The following MAST4 variants were observed in gnomAD, a reference collection of about 807,000 sequenced individuals.
The protein encoded by MAST4 is microtubule associated serine/threonine kinase family member 4, also known as microtubule-associated serine/threonine-protein kinase 4.
MAST4 carries 89 observed loss-of-function variants against 162.7 expected under a neutral mutation model. The ratio of observed to expected loss-of-function variants is 0.55; its 90% CI spans 0.46 to 0.65. MAST4 has a LOEUF of 0.65. MAST4 is among the 30% of genes least tolerant of loss of function. The pLI is 0.00. For synonymous variants in MAST4, 1,479 were observed against 1,361.1 expected (o/e 1.09, Z -1.91); for missense variants, 3,153 against 3,374.0 (o/e 0.93, Z 1.62).
chr5:66,965,065 T>A (rs974503564), intron 4 of MAST4, among the ~76,000 whole-genome samples: 1 of 152,128 alleles, frequency 6.6e-6, no homozygotes, highest in Non-Finnish European at 1.5e-5. Context: ...GGAAACAAAT[T>A]AATGACTTGG....
chr5:66,625,519 C>T lies in MAST4; in HGVS notation c.363+28501C>T, dbSNP rs149456725. 2.6e-3 allele frequency among the ~76,000 whole-genome samples: 400 copies of T among 152,164 alleles called. 2 individuals are homozygous for T. The highest frequency in any genetic ancestry group is 9.3e-3 in the African/African-American group (386 of 41,510). On this transcript the variant is annotated intron_variant, in intron 1 of 28. Transcript: ENST00000403625. Reference sequence around the variant, plus strand: ...CAAAAATACAAATAATCCAATTAAACGGGCAAAGTACCTAAATAGGTACTT... The same window carrying T: ...CAAAAATACAAATAATCCAATTAAATGGGCAAAGTACCTAAATAGGTACTT...
intron 1 of MAST4, among the ~76,000 whole-genome samples, chr5:66,660,371 G>C (rs943360420): frequency 2.6e-5 from 4 of 151,856 alleles, no homozygotes; most frequent in Non-Finnish European, 5.9e-5. Context: ...CTGGACAAGA[G>C]TGAAACTCTG....
At chr5:66,710,594 A>G (rs961204610) in intron 1 of MAST4, among the ~76,000 whole-genome samples, 36 of 151,964 alleles carry the variant, frequency 2.4e-4, no homozygotes, top group Admixed American at 5.9e-4. Flanking sequence ...TTTTTGGGGG[A>G]AAAATCTAGG....
Position 67,126,088 on chromosome 5 carries a change from GTTGT to G in MAST4, c.1746-4115_1746-4112del, listed in dbSNP as rs565899171. On this transcript the variant is annotated intron_variant, in intron 14 of 28. Transcript: ENST00000403625. ...TATCCTTCTCCCACTTTTTGACGGA[GTTGT>G]TTGTTTTTTTCTTGTAAATTTGTTT... 3.6e-3 allele frequency among the ~76,000 whole-genome samples: 550 copies of G among 151,506 alleles called. 4 individuals are homozygous for G. The highest frequency in any genetic ancestry group is 7.5e-3 in the Admixed American group (113 of 15,154).
At chr5:67,155,682 A>G (rs1772398208) in intron 26 of MAST4, among the ~76,000 whole-genome samples, 1 of 152,156 alleles carries the variant, frequency 6.6e-6, no homozygotes, top group Non-Finnish European at 1.5e-5. Context: ...GGGCCATCAA[A>G]TAGCTTGATT....
At chr5:66,903,148 T>A (rs1423847079) in intron 4 of MAST4, among the ~76,000 whole-genome samples, 3 of 152,132 alleles carry the variant, frequency 2.0e-5, no homozygotes, top group Non-Finnish European at 4.4e-5. Context: ...AGTAAAGGTG[T>A]AAAACATGCA....
chr5:67,165,847 A>T lies in MAST4; in HGVS notation c.6668A>T (p.Lys2223Met). ...SSQKPSVGAT[K>M]GKEPATQSLG... is the part of the protein sequence containing the mutation. ...CAGAAACCAAGTGTCGGGGCCACAA[A>T]GGGCAAAGAGCCTGCCACTCAGTCC... The change falls in exon 29 of 29, where the codon AAG becomes ATG. Residue 2223 changes from lysine to methionine, a missense_variant. Lys to Met is a moderately conservative substitution (Grantham distance 95). Coordinates refer to ENST00000403625, the MANE Select transcript of MAST4 (RefSeq NM_001164664.2). 6.2e-7 allele frequency: 1 copy of T among 1,613,130 alleles called. No individual in the cohort carries two copies. Among genetic ancestry groups the T allele is most frequent in the Non-Finnish European group, 8.5e-7 (1 of 1,179,872 alleles).
At chr5:66,675,842 AAAG>A (rs1419210769) in intron 1 of MAST4, among the ~76,000 whole-genome samples, 3 of 152,240 alleles carry the variant, frequency 2.0e-5, no homozygotes, top group Non-Finnish European at 4.4e-5. Context: ...CATGATGAAT[AAAG>A]AAGGAGCCAC....
At chr5:67,103,589 G>A (rs1202911745) in intron 9 of MAST4, among the ~76,000 whole-genome samples, 2 of 152,140 alleles carry the variant, frequency 1.3e-5, no homozygotes, top group Non-Finnish European at 1.5e-5. Context: ...ATTAGGCAGT[G>A]GGTGACCAGA....
chr5:67,024,030 A>G (rs962940400), intron 4 of MAST4, among the ~76,000 whole-genome samples: 1 of 151,866 alleles, frequency 6.6e-6, no homozygotes. Context: ...CCTGCAAAAC[A>G]AACTCTACTC....
chr5:67,029,623 G>A (rs546616666), intron 4 of MAST4, among the ~76,000 whole-genome samples: 1 of 152,192 alleles, frequency 6.6e-6, no homozygotes, highest in East Asian at 1.9e-4. Context: ...GCAAGGTGAT[G>A]GTGTGTTTTG....
chr5:66,608,942 T>C lies in MAST4; in HGVS notation c.363+11924T>C, dbSNP rs539524952. Among the ~76,000 whole-genome samples the C allele has an allele frequency of 4.6e-5, 7 of 152,260 alleles. No individual in the cohort carries two copies. The East Asian group carries it at 1.2e-3, about 25-fold the overall frequency. ...TGGTGTGGCTATCTGTTGAGTTGTT[T>C]TTGAAGTAATCTTAACACTAGAAGA... On this transcript the variant is annotated intron_variant, in intron 1 of 28. Transcript: ENST00000403625.
At chr5:67,033,317 G>A (rs7705987) in intron 4 of MAST4, among the ~76,000 whole-genome samples, 1 of 115,354 alleles carries the variant, frequency 8.7e-6, no homozygotes, top group South Asian at 2.5e-4. Flanking sequence ...TCATTTCTCT[G>A]TGTGTGTGTG....
At chr5:66,765,215 A>C (rs1754039538) in intron 2 of MAST4, among the ~76,000 whole-genome samples, 1 of 152,190 alleles carries the variant, frequency 6.6e-6, no homozygotes, top group South Asian at 2.1e-4. Context: ...CTAAGGAAGC[A>C]TTTCTCAGAA....
chr5:67,049,009 A>ATATATATATATACG (rs1757737977), intron 4 of MAST4, among the ~76,000 whole-genome samples: 1 of 125,430 alleles, frequency 8.0e-6, no homozygotes, highest in Non-Finnish European at 1.7e-5. Flanking sequence ...ATACACACAC[A>ATATATATATATACG]TATATATATA....
intron 5 of MAST4, among the ~76,000 whole-genome samples, chr5:67,075,596 GA>G (rs201738081): frequency 3.6e-4 from 54 of 150,014 alleles, no homozygotes; most frequent in Middle Eastern, 3.4e-3. Context: ...TTATCTTTTA[GA>G]AAAAAAAAGT....
chr5:66,861,337 T>C (rs945545791), intron 3 of MAST4, among the ~76,000 whole-genome samples: 2 of 152,230 alleles, frequency 1.3e-5, no homozygotes, highest in African/African-American at 4.8e-5. Flanking sequence ...CTGAGAGCCT[T>C]CTTTGTGCCA....
chr5:66,786,077 C>G (rs1755104254), intron 2 of MAST4, among the ~76,000 whole-genome samples: 1 of 152,116 alleles, frequency 6.6e-6, no homozygotes, highest in African/African-American at 2.4e-5. Flanking sequence ...CTATGTTGCC[C>G]AGGCTGGTCT....
At chr5:66,771,334 G>A (rs970499500) in intron 2 of MAST4, among the ~76,000 whole-genome samples, 2 of 151,968 alleles carry the variant, frequency 1.3e-5, no homozygotes, top group African/African-American at 4.8e-5. Context: ...GCAGGCACCC[G>A]CCGCCACACC....
Sources: allele counts gnomAD v4.1 joint callset (sites outside exome capture counted in the v4.1 genomes callset), GRCh38; gene constraint gnomAD v4.1.1; transcripts MANE v1.5; gene names NCBI Gene and HGNC (gene_info 2026-07-23, HGNC 2026-07-21).